The following CDH22 variants were observed in gnomAD, a reference collection of about 807,000 sequenced individuals.
The protein encoded by CDH22 is cadherin-22.
Under a neutral mutation model 58.4 loss-of-function variants are expected in CDH22, and 30 were observed. The ratio of observed to expected loss-of-function variants is 0.51; its 90% CI spans 0.38 to 0.70. CDH22 has a LOEUF of 0.70. CDH22 is among the 30% of genes least tolerant of loss of function. CDH22 has a pLI of 0.00. For synonymous variants in CDH22, 513 were observed against 558.2 expected (o/e 0.92, Z 1.14); for missense variants, 1,014 against 1,233.9 (o/e 0.82, Z 2.67).
intron 4 of CDH22, among the ~76,000 whole-genome samples, chr20:46,225,810 A>G (rs2086167081): frequency 6.6e-6 from 1 of 151,354 alleles, no homozygotes; most frequent in Admixed American, 6.6e-5. Context: ...TCTTTTTAGC[A>G]TTTCTTTAAT....
intron 3 of CDH22, among the ~76,000 whole-genome samples, chr20:46,238,912 G>A (rs968947639): frequency 8.5e-5 from 13 of 152,236 alleles, no homozygotes; most frequent in Admixed American, 5.9e-4. Context: ...TGACTTCTCA[G>A]CTTGTTCAGC....
intron 2 of CDH22, among the ~76,000 whole-genome samples, chr20:46,244,603 G>A (rs1329877832): frequency 2.6e-5 from 4 of 152,170 alleles, no homozygotes; most frequent in East Asian, 1.9e-4. Flanking sequence ...CTATTTTCCA[G>A]GTGAAGAGAC....
intron 1 of CDH22, among the ~76,000 whole-genome samples, chr20:46,266,529 A>G (rs2086460360): frequency 1.3e-5 from 2 of 152,242 alleles, no homozygotes; most frequent in Admixed American, 1.3e-4. Flanking sequence ...ATTTCATTCC[A>G]GTCTCCCTTA....
intron 1 of CDH22, among the ~76,000 whole-genome samples, chr20:46,268,345 G>T (rs1376504616): frequency 4.6e-5 from 7 of 152,250 alleles, no homozygotes; most frequent in Non-Finnish European, 8.8e-5. Context: ...CTTAAAGCCT[G>T]GCGGCCACCG....
intron 1 of CDH22, among the ~76,000 whole-genome samples, chr20:46,266,825 G>C (rs1600721872): frequency 6.6e-6 from 1 of 152,068 alleles, no homozygotes; most frequent in African/African-American, 2.4e-5. Flanking sequence ...GCAAGGTGAG[G>C]CTTGTTCAAA....
chr20:46,178,695 G>GGGTTGT (rs1226503173), intron 10 of CDH22, among the ~76,000 whole-genome samples: 1 of 149,532 alleles, frequency 6.7e-6, no homozygotes, highest in East Asian at 2.0e-4. Context: ...TAGGGTCCTT[G>GGGTTGT]GGTTGTGGTT....
At chr20:46,305,780 G>GAACTTTGC (rs2086672938) in intron 1 of CDH22, among the ~76,000 whole-genome samples, 1 of 152,248 alleles carries the variant, frequency 6.6e-6, no homozygotes, top group Non-Finnish European at 1.5e-5. Context: ...TGGCTGCTCC[G>GAACTTTGC]AACTTTGCCA....
intron 1 of CDH22, among the ~76,000 whole-genome samples, chr20:46,269,091 G>C (rs2086475468): frequency 6.6e-6 from 1 of 152,172 alleles, no homozygotes; most frequent in African/African-American, 2.4e-5. Flanking sequence ...CCTCAGAAGG[G>C]TTATTTTGAC....
intron 1 of CDH22, among the ~76,000 whole-genome samples, chr20:46,280,935 T>C (rs1376454864): frequency 6.6e-6 from 1 of 152,188 alleles, no homozygotes; most frequent in Non-Finnish European, 1.5e-5. Context: ...CAACACAAAG[T>C]AGGTTCTCAG....
chr20:46,284,351 G>A lies in CDH22; in HGVS notation c.-400+23904C>T, dbSNP rs369631219. ...CTCCTAAGCCCTGGCTGGAAGAAGCGGTTCACAACTTTCCTCAACATCTGG... is the reference window on the plus strand; with the variant it reads ...CTCCTAAGCCCTGGCTGGAAGAAGCAGTTCACAACTTTCCTCAACATCTGG... On this transcript the variant is annotated intron_variant, in intron 1 of 11. Coordinates refer to ENST00000537909, the MANE Select transcript of CDH22 (RefSeq NM_021248.3). Among the ~76,000 whole-genome samples the A allele has an allele frequency of 3.3e-5, 5 of 152,308 alleles. No individual in the cohort carries two copies. The East Asian group carries it at 7.7e-4, about 23-fold the overall frequency.
At chr20:46,286,353 T>C (rs892192526) in intron 1 of CDH22, among the ~76,000 whole-genome samples, 1 of 152,128 alleles carries the variant, frequency 6.6e-6, no homozygotes, top group African/African-American at 2.4e-5. Flanking sequence ...CCCTCAAGCC[T>C]TATTCCCCAG....
intron 1 of CDH22, among the ~76,000 whole-genome samples, chr20:46,257,232 G>A (rs553126405): frequency 1.1e-4 from 16 of 152,084 alleles, no homozygotes; most frequent in African/African-American, 3.9e-4. Flanking sequence ...GATCACCTGA[G>A]CTTGGGGAGG....
At chr20:46,181,876 G>A (rs1398331009) in intron 10 of CDH22, among the ~76,000 whole-genome samples, 2 of 149,520 alleles carry the variant, frequency 1.3e-5, no homozygotes, top group African/African-American at 5.0e-5. Context: ...GAGTGCAGTG[G>A]TGCAATCTTG....
chr20:46,198,666 T>C (rs1430465617), intron 8 of CDH22, among the ~76,000 whole-genome samples: 2 of 152,214 alleles, frequency 1.3e-5, no homozygotes, highest in Admixed American at 1.3e-4. Flanking sequence ...TAACTTCATT[T>C]GGAGTAAAGT....
chr20:46,181,736 C>T (rs1164954305), intron 10 of CDH22, among the ~76,000 whole-genome samples: 1 of 48,970 alleles, frequency 2.0e-5, no homozygotes, highest in Non-Finnish European at 4.5e-5. Context: ...TCCTTCCTTC[C>T]TTCCTTCCTT....
intron 1 of CDH22, among the ~76,000 whole-genome samples, chr20:46,303,185 A>G (rs904246639): frequency 5.9e-5 from 9 of 151,584 alleles, no homozygotes; most frequent in Non-Finnish European, 1.3e-4. Context: ...CTGAACCCCA[A>G]CCTCTGTGTG....
chr20:46,247,402 C>T (rs553996581), intron 2 of CDH22, among the ~76,000 whole-genome samples: 16 of 152,196 alleles, frequency 1.1e-4, no homozygotes, highest in African/African-American at 3.6e-4. Context: ...ATGCAGCCAA[C>T]CCAGGATCAA....
At chr20:46,240,733 G>A (rs971487999) in intron 3 of CDH22, among the ~76,000 whole-genome samples, 3 of 152,152 alleles carry the variant, frequency 2.0e-5, no homozygotes, top group African/African-American at 4.8e-5. Flanking sequence ...GCGGGTCCAC[G>A]TTCATGGGGG....
chr20:46,206,644 TCA>T (rs1232325153), intron 7 of CDH22, among the ~76,000 whole-genome samples: 3 of 152,190 alleles, frequency 2.0e-5, no homozygotes, highest in Non-Finnish European at 4.4e-5. Context: ...AGCTCATGTG[TCA>T]CATCCCTGAC....
Sources: gnomAD v4.1 joint callset for allele counts (sites outside exome capture counted in the v4.1 genomes callset) on GRCh38, gnomAD v4.1.1 for gene constraint, MANE v1.5 for transcripts, NCBI Gene and HGNC (gene_info 2026-07-23, HGNC 2026-07-21) for gene names.